Variants in TNPO1 observed in about 807,000 individuals in gnomAD.
TNPO1 encodes the protein transportin 1.
In TNPO1, 8 loss-of-function variants were observed where a neutral mutation model predicts 119.5. The observed-to-expected ratio is 0.07, with a 90% CI of 0.04 to 0.12. The LOEUF is 0.12. TNPO1 is among the 10% of genes least tolerant of loss of function. TNPO1 has a pLI of 1.00. For missense variants in TNPO1, 576 were observed against 1,089.8 expected (o/e 0.53, Z 6.64); for synonymous variants, 362 against 363.0 (o/e 1.00, Z 0.03).
chr5:72,896,681 T>A (rs1749451005), intron 19 of TNPO1, 125 bp downstream of exon 19: 1 of 632,540 alleles, frequency 1.6e-6, no homozygotes, highest in Non-Finnish European at 2.6e-6. Flanking sequence ...ACCAGCCTGG[T>A]TGACATGGTG....
intron 12 of TNPO1, 138 bp from the exon 13 acceptor site, chr5:72,887,940 T>C: frequency 1.3e-6 from 1 of 770,852 alleles, no homozygotes; most frequent in Non-Finnish European, 2.0e-6. Flanking sequence ...AAAAATAATT[T>C]TGGTATAGGT....
At chr5:72,897,299 A>G in intron 20 of TNPO1, 148 bp downstream of exon 20, 1 of 591,882 alleles carries the variant, frequency 1.7e-6, no homozygotes, top group Non-Finnish European at 3.0e-6. Flanking sequence ...AATGAAATAG[A>G]CTGTTGCAGC....
At chr5:72,830,279 G>A (rs1315952123) in intron 1 of TNPO1, among the ~76,000 whole-genome samples, 2 of 152,122 alleles carry the variant, frequency 1.3e-5, no homozygotes, top group Admixed American at 1.3e-4. Flanking sequence ...ACACTCACTG[G>A]AGTGTGATTC....
chr5:72,860,514 CTA>C (rs1746357761), intron 4 of TNPO1, among the ~76,000 whole-genome samples: 1 of 152,242 alleles, frequency 6.6e-6, no homozygotes, highest in East Asian at 1.9e-4. Context: ...AATTCATTGA[CTA>C]TCACAACTCT....
chr5:72,887,995 A>T, intron 12 of TNPO1, 83 bp from the exon 13 acceptor site: 2 of 1,291,812 alleles, frequency 1.5e-6, no homozygotes, highest in Non-Finnish European at 2.2e-6. Flanking sequence ...GAATTTTTTC[A>T]TAGATACGTG....
At chr5:72,844,154 C>T (rs1745030500) in intron 1 of TNPO1, among the ~76,000 whole-genome samples, 1 of 152,150 alleles carries the variant, frequency 6.6e-6, no homozygotes, top group African/African-American at 2.4e-5. Flanking sequence ...ATTGCCAGGA[C>T]AGACCTAGAA....
Position 72,905,458 on chromosome 5 carries a change from A to G in TNPO1, c.*35+13A>G. On this transcript the variant is annotated intron_variant, in intron 24 of 24. Coordinates refer to ENST00000337273, the MANE Select transcript of TNPO1 (RefSeq NM_002270.4). ...CCCAAAATTAGGGGTAAGTTATAAG[A>G]AGTTTGGAAATTTTCAGGATGAAGA... 6 of 1,377,834 alleles carry G rather than the reference A, an allele frequency of 4.4e-6. No homozygotes were observed. The highest frequency in any genetic ancestry group is 6.0e-6 in the Non-Finnish European group (6 of 996,108). 85.4% of individuals were successfully genotyped at this position (1,377,834 alleles called of 1,614,324 possible).
At chr5:72,859,319 A>G (rs1435539795) in intron 4 of TNPO1, among the ~76,000 whole-genome samples, 1 of 152,214 alleles carries the variant, frequency 6.6e-6, no homozygotes, top group East Asian at 1.9e-4. Context: ...CCCACTGGAT[A>G]CCAGCAGCAG....
intron 9 of TNPO1, 45 bp from the exon 10 acceptor site, chr5:72,882,422 C>G (rs748161494): frequency 7.0e-7 from 1 of 1,418,532 alleles, no homozygotes; most frequent in Non-Finnish European, 9.8e-7. Context: ...TAATTATTCT[C>G]TTGAGATCTT....
intron 1 of TNPO1, among the ~76,000 whole-genome samples, chr5:72,828,831 G>C (rs898948974): frequency 2.0e-4 from 30 of 152,026 alleles, no homozygotes; most frequent in African/African-American, 7.0e-4. Flanking sequence ...ATATCAGAAG[G>C]ATAATTTAAA....
intron 18 of TNPO1, among the ~76,000 whole-genome samples, chr5:72,896,074 G>A (rs1400459855): frequency 6.6e-6 from 1 of 152,022 alleles, no homozygotes; most frequent in Non-Finnish European, 1.5e-5. Context: ...GAGCACAAGA[G>A]TGAAAATTGC....
intron 24 of TNPO1, among the ~76,000 whole-genome samples, chr5:72,907,869 T>C (rs34956): frequency 0.82 from 124,959 of 151,708 alleles, 51,670 homozygotes; most frequent in Non-Finnish European, 0.86. Flanking sequence ...CATGATGAGA[T>C]CTCCATCTCT....
intron 1 of TNPO1, among the ~76,000 whole-genome samples, chr5:72,821,515 A>G (rs1743955280): frequency 6.6e-6 from 1 of 152,254 alleles, no homozygotes; most frequent in Admixed American, 6.5e-5. Context: ...TGTGTTTTTG[A>G]AAAATATTTA....
At chr5:72,849,291 TC>T (rs2112247546) in intron 2 of TNPO1, among the ~76,000 whole-genome samples, 1 of 152,280 alleles carries the variant, frequency 6.6e-6, no homozygotes, top group African/African-American at 2.4e-5. Flanking sequence ...ACGTATGCTT[TC>T]TGTAGTGCCC....
Position 72,902,337 on chromosome 5 carries a change from T to C in TNPO1, c.2514+1264T>C, listed in dbSNP as rs114657560. On this transcript the variant is annotated intron_variant, in intron 22 of 24. Coordinates refer to ENST00000337273, the MANE Select transcript of TNPO1 (RefSeq NM_002270.4). ...TTTTAGAAACGTTAATTCTGTTTTA[T>C]AAAATTCAAATTGATACAGGTGATA... Among the ~76,000 whole-genome samples, 1,262 of 152,300 alleles carry C rather than the reference T, an allele frequency of 8.3e-3. 14 individuals carry two copies. Among genetic ancestry groups the C allele is most frequent in the African/African-American group, 0.029 (1,197 of 41,570 alleles).
chr5:72,819,766 G>T (rs1743871115), intron 1 of TNPO1, among the ~76,000 whole-genome samples: 1 of 152,186 alleles, frequency 6.6e-6, no homozygotes, highest in Non-Finnish European at 1.5e-5. Flanking sequence ...ACACTATTTG[G>T]ATTCAGATTT....
chr5:72,908,472 C>T (rs555958746), intron 24 of TNPO1, among the ~76,000 whole-genome samples: 1 of 152,296 alleles, frequency 6.6e-6, no homozygotes, highest in Admixed American at 6.5e-5. Flanking sequence ...GTCTATACAA[C>T]TCTCCTACCC....
At chr5:72,887,651 C>T (rs1204629638) in intron 12 of TNPO1, among the ~76,000 whole-genome samples, 1 of 152,166 alleles carries the variant, frequency 6.6e-6, no homozygotes, top group African/African-American at 2.4e-5. Context: ...TGCGATTGCA[C>T]TCCAGCCTGG....
chr5:72,865,747 A>G lies in TNPO1; in HGVS notation c.596+18A>G, dbSNP rs1251411714. 2 of 1,605,136 alleles carry G rather than the reference A, an allele frequency of 1.2e-6. No individual in the cohort carries two copies. Among genetic ancestry groups the G allele is most frequent in the Admixed American group, 1.7e-5 (1 of 58,128 alleles). ...AAAATAAGGTACTTATATTGCCAGT[A>G]CTAATTGATTAACTGTGATATAAAC... On this transcript the variant is annotated intron_variant, in intron 6 of 24. Coordinates refer to ENST00000337273, the MANE Select transcript of TNPO1 (RefSeq NM_002270.4).
Sources: allele counts gnomAD v4.1 joint callset (sites outside exome capture counted in the v4.1 genomes callset), GRCh38; gene constraint gnomAD v4.1.1; transcripts MANE v1.5; gene names NCBI Gene and HGNC (gene_info 2026-07-23, HGNC 2026-07-21).